FOLH1: variants seen among roughly 807,000 people sequenced by gnomAD.
FOLH1 encodes glutamate carboxypeptidase 2.
In FOLH1, 54 loss-of-function variants were observed where a neutral mutation model predicts 93.9. The observed-to-expected ratio is 0.57, with a 90% confidence interval of 0.46 to 0.72. The LOEUF (loss-of-function observed/expected upper bound fraction) is 0.72. Ranked by LOEUF, FOLH1 falls within the 30% of genes least tolerant of loss-of-function variation. The pLI, the probability that FOLH1 is intolerant of heterozygous loss-of-function variation, is 0.00. For missense variants in FOLH1, 571 were observed against 892.5 expected (o/e 0.64, Z 4.59); for synonymous variants, 249 against 303.6 (o/e 0.82, Z 1.87).
At chr11:49,206,622 CAAAT>C (rs1202791464) in intron 1 of FOLH1, among the ~76,000 whole-genome samples, 2 of 152,288 alleles carry the variant, frequency 1.3e-5, no homozygotes, top group African/African-American at 4.8e-5. Context: ...GAATATATTT[CAAAT>C]AAATAAATTA....
rs1862219758 is a variant in FOLH1, at chr11:49,192,826, A to C, written c.480T>G (p.Pro160=). ...GYENVSDIVP[P]FSAFSPQGMP... Reference sequence around the variant, plus strand: ...TTCCTTGAGGAGAGAAAGCACTGAAAGGTGGTACAATATCCGAAACATTTT... The same window carrying C: ...TTCCTTGAGGAGAGAAAGCACTGAACGGTGGTACAATATCCGAAACATTTT... Residue 160 remains proline (P), a synonymous_variant, in exon 4 of 19, where the codon CCT becomes CCG. Coordinates refer to ENST00000256999, the MANE Select transcript of FOLH1 (RefSeq NM_004476.3). The C allele has an allele frequency of 6.2e-7, 1 of 1,608,112 alleles. No individual in the cohort carries two copies. The highest frequency in any genetic ancestry group is 8.5e-7 in the Non-Finnish European group (1 of 1,176,766).
At position 49,148,649 on chromosome 11, in the gene FOLH1, G is replaced by T. The variant is rs771023021; in HGVS notation, c.2053C>A (p.Pro685Thr). ...FIDPLGLPDR[P>T]FYRHVIYAPS... ...ATTTTCTTTTCTTACCTATAAAAAGGCCTGTCTGGTAACCCTAATGGATCA... is the reference window on the plus strand; with the variant it reads ...ATTTTCTTTTCTTACCTATAAAAAGTCCTGTCTGGTAACCCTAATGGATCA... Residue 685 changes from proline (P) to threonine (T), a missense_variant, in exon 18 of 19, where the codon CCT becomes ACT. Coordinates refer to ENST00000256999, the MANE Select transcript of FOLH1 (RefSeq NM_004476.3). The T allele has an allele frequency of 6.3e-6, 10 of 1,595,394 alleles. No homozygotes were observed. Among genetic ancestry groups the T allele is most frequent in the East Asian group, 2.3e-5 (1 of 44,148 alleles).
chr11:49,196,011 G>T (rs536458184), intron 3 of FOLH1, among the ~76,000 whole-genome samples: 1 of 151,970 alleles, frequency 6.6e-6, no homozygotes, highest in Admixed American at 6.6e-5. Context: ...AAAATTAGCC[G>T]GGTGCGGTGG....
intron 4 of FOLH1, 61 bp downstream of exon 4, chr11:49,192,732 A>G: frequency 1.4e-6 from 2 of 1,414,222 alleles, no homozygotes; most frequent in Middle Eastern, 1.9e-4. Flanking sequence ...TTATCGGCTG[A>G]ACATATGAAG....
In FOLH1 at chr11:49,200,389, C is replaced by G. The variant is rs776233012; in HGVS notation, c.277G>C (p.Ala93Pro). Residue 93 changes from alanine to proline, a missense_variant, in exon 3 of 19, where the codon GCA becomes CCA. Coordinates refer to ENST00000256999, the MANE Select transcript of FOLH1 (RefSeq NM_004476.3). ...TTCCACTGGGATTGAATTTGCTTTG[C>G]AAGCTGAAAGTTTTGTTCTGTTCCT... ...LAGTEQNFQL[A>P]KQIQSQWKEF... 5 of 1,613,320 alleles carry G rather than the reference C, an allele frequency of 3.1e-6. No homozygotes were observed. The highest frequency in any genetic ancestry group is 2.5e-6 in the Non-Finnish European group (3 of 1,179,678).
In FOLH1 at chr11:49,167,186, A is replaced by G. The variant is rs189148993; in HGVS notation, c.1372+2009T>C. On this transcript the variant is annotated intron_variant, in intron 12 of 18. Coordinates refer to ENST00000256999, the MANE Select transcript of FOLH1 (RefSeq NM_004476.3). ...ATATTTCACCTTATGTGTTTTAAGT[A>G]GGTGTAATGATACTAATCAAAGTTA... Among the ~76,000 whole-genome samples, 1,003 of 152,336 alleles carry G rather than the reference A, an allele frequency of 6.6e-3. 10 individuals carry two copies. The highest frequency in any genetic ancestry group is 0.022 in the African/African-American group (929 of 41,578).
chr11:49,194,181 G>A (rs1249915197), intron 3 of FOLH1, among the ~76,000 whole-genome samples: 9 of 148,522 alleles, frequency 6.1e-5, no homozygotes, highest in South Asian at 2.1e-4. Context: ...TCAGGGTTAA[G>A]GATAAATTCA....
chr11:49,173,845 G>A (rs1859673677), intron 9 of FOLH1, among the ~76,000 whole-genome samples: 1 of 152,100 alleles, frequency 6.6e-6, no homozygotes, highest in Non-Finnish European at 1.5e-5. Context: ...CACATAGGAA[G>A]TTCTCCAATT....
intron 5 of FOLH1, 73 bp downstream of exon 5, chr11:49,186,571 A>G (rs1477899988): frequency 6.7e-7 from 1 of 1,485,962 alleles, no homozygotes; most frequent in Non-Finnish European, 9.1e-7. Flanking sequence ...TAAGAAAATG[A>G]TTCTACACAT....
At chr11:49,201,846 C>G (rs959997377) in intron 2 of FOLH1, among the ~76,000 whole-genome samples, 2 of 152,322 alleles carry the variant, frequency 1.3e-5, no homozygotes, top group African/African-American at 2.4e-5. Flanking sequence ...TATGGGGAAT[C>G]TTGAACCTAC....
At chr11:49,188,144 GTATATCTT>G (rs542454307) in intron 4 of FOLH1, among the ~76,000 whole-genome samples, 2 of 152,266 alleles carry the variant, frequency 1.3e-5, no homozygotes, top group East Asian at 3.9e-4. Flanking sequence ...CCTTGAATCA[GTATATCTT>G]TATAAGTCAA....
intron 7 of FOLH1, 30 bp from the exon 8 acceptor site, chr11:49,175,987 A>G: frequency 3.7e-6 from 6 of 1,602,192 alleles, no homozygotes; most frequent in Non-Finnish European, 5.1e-6. Context: ...ATTATTAGCC[A>G]CAAAAAAACC....
chr11:49,181,337 C>A (rs1860707171), intron 7 of FOLH1, among the ~76,000 whole-genome samples: 1 of 151,924 alleles, frequency 6.6e-6, no homozygotes, highest in Non-Finnish European at 1.5e-5. Context: ...GTCCCCATCT[C>A]TTGACCTCAT....
At chr11:49,172,152 CTAT>C (rs764277339) in intron 10 of FOLH1, among the ~76,000 whole-genome samples, 2 of 152,008 alleles carry the variant, frequency 1.3e-5, no homozygotes, top group Non-Finnish European at 2.9e-5. Flanking sequence ...TTCAAATTTC[CTAT>C]TATTATTCAT....
In FOLH1 at chr11:49,153,828, C is replaced by T. The variant is rs776325789; in HGVS notation, c.1970+18G>A. 3.9e-6 allele frequency: 6 copies of T among 1,556,896 alleles called. No homozygotes were observed. Among genetic ancestry groups the T allele is most frequent in the African/African-American group, 2.7e-5 (2 of 72,984 alleles). ...ATACACACACATACACACATATGCACATATATGTAGAACATACTTGCTTTT... is the reference window on the plus strand; with the variant it reads ...ATACACACACATACACACATATGCATATATATGTAGAACATACTTGCTTTT... On this transcript the variant is annotated intron_variant, in intron 17 of 18. Transcript: ENST00000256999.
In FOLH1 at chr11:49,167,405, C is replaced by T. The variant is rs368728466; in HGVS notation, c.1372+1790G>A. On this transcript the variant is annotated intron_variant, in intron 12 of 18. Coordinates refer to ENST00000256999, the MANE Select transcript of FOLH1 (RefSeq NM_004476.3). ...TTGCAGGGCCAGGAATGAATCCAGGCATCTGACGCCAAAGGTCAAGCTCTT... is the reference window on the plus strand; with the variant it reads ...TTGCAGGGCCAGGAATGAATCCAGGTATCTGACGCCAAAGGTCAAGCTCTT... Among the ~76,000 whole-genome samples, 7 of 152,248 alleles carry T rather than the reference C, an allele frequency of 4.6e-5. No homozygotes were observed. In the South Asian group the frequency reaches 8.3e-4, roughly 18 times the overall value.
chr11:49,185,585 A>T, intron 6 of FOLH1, 84 bp downstream of exon 6: 1 of 1,478,142 alleles, frequency 6.8e-7, no homozygotes, highest in Non-Finnish European at 9.3e-7. Context: ...AGACATGCTT[A>T]GTCCATTGTA....
In FOLH1 at chr11:49,188,729, G is replaced by T. The variant is rs1237687444; in HGVS notation, c.514-1960C>A. Among the ~76,000 whole-genome samples, 7 of 152,218 alleles carry T rather than the reference G, an allele frequency of 4.6e-5. No homozygotes were observed. In the South Asian group the frequency reaches 1.2e-3, roughly 27 times the overall value. On this transcript the variant is annotated intron_variant, in intron 4 of 18. Coordinates refer to ENST00000256999, the MANE Select transcript of FOLH1 (RefSeq NM_004476.3). Reference sequence around the variant, plus strand: ...TATTGCTAGAATGAGACTGGGATCAGCAACAACAGTTCAATTTACATTTCT... The same window carrying T: ...TATTGCTAGAATGAGACTGGGATCATCAACAACAGTTCAATTTACATTTCT...
chr11:49,170,705 T>C (rs568958304), intron 11 of FOLH1, among the ~76,000 whole-genome samples: 7 of 152,310 alleles, frequency 4.6e-5, no homozygotes, highest in Non-Finnish European at 8.8e-5. Flanking sequence ...GGTCAGGAAA[T>C]AGAGACAATT....
Sources: gnomAD v4.1 joint callset for allele counts (sites outside exome capture counted in the v4.1 genomes callset) on GRCh38, gnomAD v4.1.1 for gene constraint, MANE v1.5 for transcripts, NCBI Gene and HGNC (gene_info 2026-07-23, HGNC 2026-07-21) for gene names.